RYR2: variants seen among roughly 807,000 people sequenced by gnomAD.
RYR2 encodes the protein ryanodine receptor 2.
Under a neutral mutation model 601.1 loss-of-function variants are expected in RYR2, and 227 were observed. That is an observed-to-expected ratio of 0.38 (90% CI 0.34 to 0.42). RYR2 has a LOEUF of 0.42. RYR2 is among the 10% of genes least tolerant of loss of function. RYR2 has a pLI of 1.00. For missense variants in RYR2, 4,646 were observed against 6,156.5 expected (o/e 0.75, Z 8.21); for synonymous variants, 2,223 against 2,175.1 (o/e 1.02, Z -0.61).
In RYR2 at chr1:237,611,106, C is replaced by T. The variant is rs190330089; in HGVS notation, c.4910+118C>T. 1.8e-4 allele frequency: 137 copies of T among 778,260 alleles called. 1 individual carries two copies. In the East Asian group the frequency reaches 3.5e-3, roughly 20 times the overall value. The allele number at this position is 778,260 out of a possible 1,614,324, so 48.2% of individuals were successfully genotyped here. On this transcript the variant is annotated intron_variant, in intron 36 of 104. Coordinates refer to ENST00000366574, the MANE Select transcript of RYR2 (RefSeq NM_001035.3). ...TTCTAAAGAAACAAGATGAAATTTA[C>T]AAAGATCTAAATTCTTTAGGCAATG...
Position 237,654,395 on chromosome 1 carries a change from T to C in RYR2, c.7946T>C (p.Phe2649Ser). Reference protein sequence around the residue: ...HLSRKLFWGIFDALSQKKYEQ... With the variant: ...HLSRKLFWGISDALSQKKYEQ... ...TCAAGAAAGTTGTTCTGGGGCATTT[T>C]TGATGCCCTGTCTCAAAAGGTAATT... The change falls in exon 52 of 105, where the codon TTT (phenylalanine) becomes TCT (serine). Residue 2649 changes from phenylalanine to serine, a missense_variant. Around this residue, in one of 17 missense-constraint regions of RYR2, gnomAD observed 1,497 missense variants for 1,842.6 expected, o/e 0.81. Coordinates refer to ENST00000366574, the MANE Select transcript of RYR2 (RefSeq NM_001035.3). 6 of 1,613,906 alleles carry C rather than the reference T, an allele frequency of 3.7e-6. No homozygotes were observed. Among genetic ancestry groups the C allele is most frequent in the Non-Finnish European group, 5.1e-6 (6 of 1,179,848 alleles).
At chr1:237,395,570 A>T (rs1439145832) in intron 10 of RYR2, among the ~76,000 whole-genome samples, 4 of 91,080 alleles carry the variant, frequency 4.4e-5, no homozygotes, top group Non-Finnish European at 6.1e-5. Context: ...TTTTTGAGAC[A>T]GAGTCTCGCT....
intron 70 of RYR2, among the ~76,000 whole-genome samples, chr1:237,710,733 C>T (rs1335099120): frequency 1.7e-5 from 1 of 58,056 alleles, no homozygotes; most frequent in Non-Finnish European, 4.4e-5. Flanking sequence ...TGCCCGGTGA[C>T]AGGTGGGAGC....
chr1:237,069,785 T>C (rs535426454), intron 1 of RYR2, among the ~76,000 whole-genome samples: 4 of 152,328 alleles, frequency 2.6e-5, no homozygotes, highest in African/African-American at 9.6e-5. Context: ...TTAGGCTATT[T>C]CTCAAGGAAT....
chr1:237,574,783 A>G (rs1264835888), intron 29 of RYR2, among the ~76,000 whole-genome samples: 1 of 152,172 alleles, frequency 6.6e-6, no homozygotes, highest in Non-Finnish European at 1.5e-5. Context: ...ACCAAATTCC[A>G]TCAATAACCA....
intron 2 of RYR2, among the ~76,000 whole-genome samples, chr1:237,291,728 G>A (rs902042774): frequency 3.8e-4 from 58 of 152,302 alleles, no homozygotes; most frequent in African/African-American, 1.3e-3. Context: ...AATCTCTGGA[G>A]ACAGTAAAGA....
At chr1:237,365,440 G>C (rs1700108162) in intron 5 of RYR2, among the ~76,000 whole-genome samples, 1 of 152,162 alleles carries the variant, frequency 6.6e-6, no homozygotes, top group Admixed American at 6.5e-5. Flanking sequence ...ACAGAACAGA[G>C]TATTTCTTTG....
intron 102 of RYR2, chr1:237,830,128 T>G (rs1427246538): frequency 2.3e-5 from 4 of 172,558 alleles, no homozygotes; most frequent in African/African-American, 7.2e-5. Flanking sequence ...CCGACTTTGT[T>G]TGGGTGGGTA....
chr1:237,269,342 C>G (rs1034747025), intron 1 of RYR2, among the ~76,000 whole-genome samples: 35 of 151,296 alleles, frequency 2.3e-4, no homozygotes, highest in Admixed American at 6.6e-5. Context: ...CGCGCCCGGC[C>G]ATATAGCATA....
chr1:237,751,927 T>G (rs565479843), intron 80 of RYR2, among the ~76,000 whole-genome samples: 2 of 152,328 alleles, frequency 1.3e-5, no homozygotes, highest in South Asian at 2.1e-4. Flanking sequence ...GAAGACCTCT[T>G]TAAACATGAA....
intron 1 of RYR2, among the ~76,000 whole-genome samples, chr1:237,251,279 C>T (rs1687441201): frequency 6.6e-6 from 1 of 152,158 alleles, no homozygotes; most frequent in African/African-American, 2.4e-5. Flanking sequence ...GTACCTGCTG[C>T]TCTGCTGCTT....
At chr1:237,268,544 G>T (rs1368848673) in intron 1 of RYR2, among the ~76,000 whole-genome samples, 1 of 152,126 alleles carries the variant, frequency 6.6e-6, no homozygotes, top group East Asian at 1.9e-4. Context: ...GTGAGCACCT[G>T]GAGGGTCAGT....
intron 25 of RYR2, among the ~76,000 whole-genome samples, chr1:237,541,765 C>G (rs1168303724): frequency 1.3e-5 from 2 of 151,772 alleles, no homozygotes; most frequent in African/African-American, 4.8e-5. Flanking sequence ...CTCTGGTGGG[C>G]AGGAGTGGGG....
At chr1:237,125,583 T>G (rs909906599) in intron 1 of RYR2, among the ~76,000 whole-genome samples, 1 of 152,182 alleles carries the variant, frequency 6.6e-6, no homozygotes, top group African/African-American at 2.4e-5. Context: ...CCAGAAAGTT[T>G]AAGGAATTAC....
intron 10 of RYR2, among the ~76,000 whole-genome samples, chr1:237,407,763 C>T (rs2149980133): frequency 6.6e-6 from 1 of 151,920 alleles, no homozygotes; most frequent in Non-Finnish European, 1.5e-5. Context: ...ACTACAGGTG[C>T]CCACCACCAT....
intron 10 of RYR2, among the ~76,000 whole-genome samples, chr1:237,408,279 A>G (rs1704103440): frequency 6.6e-6 from 1 of 151,932 alleles, no homozygotes; most frequent in Admixed American, 6.6e-5. Flanking sequence ...ACACATGTGT[A>G]TAAAGTTGTT....
intron 22 of RYR2, 108 bp from the exon 23 acceptor site, chr1:237,506,602 C>G: frequency 4.9e-6 from 3 of 614,942 alleles, no homozygotes; most frequent in Non-Finnish European, 5.5e-6. Flanking sequence ...TCTATGATTA[C>G]TGGTTTATGA....
intron 1 of RYR2, among the ~76,000 whole-genome samples, chr1:237,137,153 A>G (rs562765825): frequency 1.3e-5 from 2 of 152,088 alleles, no homozygotes; most frequent in East Asian, 3.9e-4. Context: ...ATCCAGTAAC[A>G]TGATTTGTGT....
chr1:237,161,017 A>G (rs1297296123), intron 1 of RYR2, among the ~76,000 whole-genome samples: 1 of 152,146 alleles, frequency 6.6e-6, no homozygotes, highest in Non-Finnish European at 1.5e-5. Flanking sequence ...AAGAAATCAT[A>G]TATTTTAAAC....
Sources: gnomAD v4.1 joint callset for allele counts (sites outside exome capture counted in the v4.1 genomes callset) on GRCh38, gnomAD v4.1.1 for gene constraint, gnomAD v4.1.1 regional missense constraint, MANE v1.5 for transcripts, NCBI Gene and HGNC (gene_info 2026-07-23, HGNC 2026-07-21) for gene names.